PARD3B: variants seen among roughly 807,000 people sequenced by gnomAD.
PARD3B encodes partitioning defective 3 homolog B.
A neutral mutation model predicts 130.2 loss-of-function variants in PARD3B; 103 were observed. The observed-to-expected ratio is 0.79, with a 90% CI of 0.67 to 0.93. The LOEUF (loss-of-function observed/expected upper bound fraction) is 0.93. Ranked by LOEUF, PARD3B falls within the 40% of genes least tolerant of loss-of-function variation. The pLI is 0.00. For synonymous variants in PARD3B, 583 were observed against 553.2 expected (o/e 1.05, Z -0.76); for missense variants, 1,609 against 1,499.2 (o/e 1.07, Z -1.21).
chr2:205,604,808 C>A (rs1015682368), intron 22 of PARD3B, among the ~76,000 whole-genome samples: 6 of 152,146 alleles, frequency 3.9e-5, no homozygotes, highest in Non-Finnish European at 8.8e-5. Flanking sequence ...TGTTTTCCAA[C>A]GTGGTTCTGT....
In PARD3B at chr2:204,598,356, T is replaced by G. The variant is rs375368211; in HGVS notation, c.120+52237T>G. Among the ~76,000 whole-genome samples, 22 of 152,274 alleles carry G rather than the reference T, an allele frequency of 1.4e-4. No homozygotes were observed. In the East Asian group the frequency reaches 3.5e-3, roughly 24 times the overall value. On this transcript the variant is annotated intron_variant, in intron 1 of 22. Coordinates refer to ENST00000406610, the MANE Select transcript of PARD3B (RefSeq NM_001302769.2). ...TAATCCCACTATCAGAGATAACTGT[T>G]ATTTATGTGCTGTTGTACATATCCT...
At chr2:204,807,692 A>G (rs1440387764) in intron 2 of PARD3B, among the ~76,000 whole-genome samples, 1 of 152,120 alleles carries the variant, frequency 6.6e-6, no homozygotes, top group African/African-American at 2.4e-5. Flanking sequence ...TGCAACATGG[A>G]TAGAACTGGA....
chr2:204,913,111 A>T (rs545044520), intron 2 of PARD3B, among the ~76,000 whole-genome samples: 2 of 152,240 alleles, frequency 1.3e-5, no homozygotes, highest in African/African-American at 4.8e-5. Flanking sequence ...TGTTCACAGG[A>T]GACACTTTAC....
intron 2 of PARD3B, among the ~76,000 whole-genome samples, chr2:204,793,782 C>G (rs1403527821): frequency 6.6e-6 from 1 of 152,158 alleles, no homozygotes; most frequent in Non-Finnish European, 1.5e-5. Flanking sequence ...GCTGGGATTA[C>G]AGGTGTGAGC....
At chr2:205,290,610 A>G (rs1475050277) in intron 16 of PARD3B, among the ~76,000 whole-genome samples, 2 of 152,222 alleles carry the variant, frequency 1.3e-5, no homozygotes, top group African/African-American at 2.4e-5. Context: ...CACCATAGAG[A>G]ATACAAAATT....
chr2:204,862,723 C>T (rs6726748), intron 2 of PARD3B, among the ~76,000 whole-genome samples: 17,977 of 152,164 alleles, frequency 0.12, 1,416 homozygotes, highest in African/African-American at 0.22. Flanking sequence ...ATCCCTTTTC[C>T]CCTCTACTGT....
At chr2:205,402,497 AT>A (rs796622846) in intron 19 of PARD3B, among the ~76,000 whole-genome samples, 9 of 152,156 alleles carry the variant, frequency 5.9e-5, no homozygotes, top group African/African-American at 2.2e-4. Flanking sequence ...CAGACTTTAC[AT>A]TTTTTTGTAG....
In PARD3B at chr2:205,113,508, T is replaced by G. The variant is rs1703803558; in HGVS notation, c.611T>G (p.Val204Gly). ...TGCCCCAGTGATATGACAAGAACAG[T>G]GGAGATTTCTGGGGAAGGAGGCCCA... is the stretch of plus-strand genomic sequence containing the variant. ...KDTLSDMTRT[V>G]EISGEGGPLG... Residue 204 changes from valine to glycine, a missense_variant, in exon 6 of 23, where the codon GTG (valine) becomes GGG (glycine). Transcript: ENST00000406610. The G allele has an allele frequency of 6.2e-7, 1 of 1,613,108 alleles. No homozygotes were observed. Among genetic ancestry groups the G allele is most frequent in the African/African-American group, 1.3e-5 (1 of 74,918 alleles).
intron 15 of PARD3B, among the ~76,000 whole-genome samples, chr2:205,204,032 T>C (rs2037143597): frequency 6.6e-6 from 1 of 152,340 alleles, no homozygotes; most frequent in Admixed American, 6.5e-5. Context: ...CACCACACTG[T>C]CTTCCACAAT....
At chr2:205,279,846 C>T (rs185707786) in intron 16 of PARD3B, among the ~76,000 whole-genome samples, 1 of 152,122 alleles carries the variant, frequency 6.6e-6, no homozygotes, top group East Asian at 1.9e-4. Flanking sequence ...AGTAAGTTCT[C>T]CAGTGTTTCT....
chr2:205,534,998 A>G (rs1337571148), intron 21 of PARD3B, among the ~76,000 whole-genome samples: 1 of 152,140 alleles, frequency 6.6e-6, no homozygotes, highest in Non-Finnish European at 1.5e-5. Context: ...CAAAATCGGG[A>G]CACATGAGTT....
chr2:205,281,623 T>C lies in PARD3B; in HGVS notation c.2186-18907T>C, dbSNP rs2041193803. ...ATCATAGACTGATTTGTACAAAATA[T>C]AGTAAAAACTTTCCAGAATGTCAGT... On this transcript the variant is annotated intron_variant, in intron 16 of 22. Transcript: ENST00000406610. The surrounding 1 kb of genome is among the most constrained non-coding windows in gnomAD (Gnocchi z 4.2). Among the ~76,000 whole-genome samples, 1 of 152,212 alleles carries C rather than the reference T, an allele frequency of 6.6e-6. No homozygotes were observed. Among genetic ancestry groups the C allele is most frequent in the Non-Finnish European group, 1.5e-5 (1 of 68,044 alleles).
chr2:204,599,057 G>T (rs1213506691), intron 1 of PARD3B, among the ~76,000 whole-genome samples: 1 of 145,770 alleles, frequency 6.9e-6, no homozygotes, highest in Non-Finnish European at 1.5e-5. Flanking sequence ...TTTACAGTTT[G>T]AAAAAAAAAA....
intron 1 of PARD3B, among the ~76,000 whole-genome samples, chr2:204,549,091 G>C (rs1040307214): frequency 5.9e-5 from 9 of 152,294 alleles, no homozygotes; most frequent in Admixed American, 5.9e-4. Flanking sequence ...CCTATTTGTG[G>C]AATGTTGGGA....
intron 16 of PARD3B, among the ~76,000 whole-genome samples, chr2:205,279,378 C>T (rs2041101364): frequency 6.6e-6 from 1 of 152,114 alleles, no homozygotes; most frequent in Non-Finnish European, 1.5e-5. Context: ...CTAACTAACG[C>T]CATTGGAGGA....
intron 21 of PARD3B, among the ~76,000 whole-genome samples, chr2:205,507,917 A>T (rs2050435711): frequency 6.6e-6 from 1 of 152,220 alleles, no homozygotes; most frequent in Admixed American, 6.5e-5. Flanking sequence ...AGGAACCCAG[A>T]TGATGTCACT....
At chr2:204,931,157 A>G (rs1038811951) in intron 2 of PARD3B, among the ~76,000 whole-genome samples, 4 of 152,122 alleles carry the variant, frequency 2.6e-5, no homozygotes, top group Non-Finnish European at 5.9e-5. Flanking sequence ...CATCAAATTC[A>G]GTATTTTGTA....
intron 1 of PARD3B, among the ~76,000 whole-genome samples, chr2:204,657,302 T>A (rs1222003913): frequency 2.0e-5 from 3 of 152,142 alleles, no homozygotes; most frequent in African/African-American, 7.2e-5. Context: ...GGCAGGAGGA[T>A]TTTTGAGCTC....
intron 2 of PARD3B, among the ~76,000 whole-genome samples, chr2:204,831,034 C>G (rs1373587564): frequency 6.6e-6 from 1 of 152,058 alleles, no homozygotes; most frequent in Non-Finnish European, 1.5e-5. Context: ...AAATTGAATG[C>G]TTATATTTTT....
Sources: allele counts gnomAD v4.1 joint callset (sites outside exome capture counted in the v4.1 genomes callset), GRCh38; gene constraint gnomAD v4.1.1; non-coding constraint Gnocchi (gnomAD v3.1); transcripts MANE v1.5; gene names NCBI Gene and HGNC (gene_info 2026-07-23, HGNC 2026-07-21).